The following TAF3 variants were observed in gnomAD, a reference collection of about 807,000 sequenced individuals.
TAF3 encodes TATA-box binding protein associated factor 3.
A neutral mutation model predicts 80.6 loss-of-function variants in TAF3; 7 were observed. The observed-to-expected ratio is 0.09, with a 90% CI of 0.05 to 0.16. The LOEUF (loss-of-function observed/expected upper bound fraction) is 0.16. TAF3 is among the 10% of genes least tolerant of loss of function. The probability of loss-of-function intolerance (pLI) is 1.00; values close to 1 mark genes in which losing one functional copy is unlikely to be tolerated. For synonymous variants in TAF3, 444 were observed against 446.1 expected (o/e 1.00, Z 0.06); for missense variants, 921 against 1,140.2 (o/e 0.81, Z 2.77).
chr10:7,854,640 G>T (rs563280226), intron 2 of TAF3, among the ~76,000 whole-genome samples: 14 of 136,582 alleles, frequency 1.0e-4, no homozygotes, highest in Non-Finnish European at 1.7e-4. Flanking sequence ...GAAGAGAACT[G>T]AAAAGAGCCC....
rs139963574 is a variant in TAF3 at position 8,006,991 on chromosome 10, G to A, written c.2316-2087G>A. On this transcript the variant is annotated intron_variant, in intron 4 of 6. Coordinates refer to ENST00000344293, the MANE Select transcript of TAF3 (RefSeq NM_031923.4). The stretch of plus-strand genomic sequence containing the variant: ...GTGGAATAGTAGAAAGAGACAAGCT[G>A]GGACAGTCCACAGGCTGGCAATTCC... Among the ~76,000 whole-genome samples the A allele has an allele frequency of 1.1e-4, 16 of 152,288 alleles. No homozygotes were observed. In the East Asian group the frequency reaches 3.1e-3, roughly 29 times the overall value.
intron 4 of TAF3, among the ~76,000 whole-genome samples, chr10:7,997,901 G>A (rs1777964321): frequency 6.6e-6 from 1 of 152,130 alleles, no homozygotes; most frequent in African/African-American, 2.4e-5. Context: ...TTTTTACAAC[G>A]ATCAATTTAG....
chr10:7,905,881 T>TA (rs571088132), intron 2 of TAF3, among the ~76,000 whole-genome samples: 2,128 of 145,338 alleles, frequency 0.015, 40 homozygotes, highest in African/African-American at 0.048. Context: ...AGAATCTGTC[T>TA]AAAAAAAAAA....
At chr10:7,942,510 T>C (rs538125911) in intron 2 of TAF3, among the ~76,000 whole-genome samples, 2 of 152,386 alleles carry the variant, frequency 1.3e-5, no homozygotes, top group South Asian at 4.1e-4. Flanking sequence ...CTTGCTGATT[T>C]ACCCATAAAA....
At chr10:7,913,665 C>A (rs1439574104) in intron 2 of TAF3, among the ~76,000 whole-genome samples, 1 of 152,044 alleles carries the variant, frequency 6.6e-6, no homozygotes, top group Non-Finnish European at 1.5e-5. Flanking sequence ...GGTCGCTGTG[C>A]CAGGGACACT....
intron 2 of TAF3, among the ~76,000 whole-genome samples, chr10:7,901,877 C>T (rs1440455605): frequency 1.3e-5 from 2 of 151,908 alleles, no homozygotes; most frequent in East Asian, 1.9e-4. Flanking sequence ...GTGGATGTTT[C>T]CTTCCTATGT....
chr10:7,884,812 T>A (rs970581720), intron 2 of TAF3, among the ~76,000 whole-genome samples: 18 of 152,242 alleles, frequency 1.2e-4, no homozygotes, highest in Non-Finnish European at 2.5e-4. Flanking sequence ...TATCCATACA[T>A]ACATCTATGT....
At chr10:7,854,285 A>G (rs1038168989) in intron 2 of TAF3, among the ~76,000 whole-genome samples, 3 of 152,230 alleles carry the variant, frequency 2.0e-5, no homozygotes, top group East Asian at 1.9e-4. Flanking sequence ...TAGAGTTTCT[A>G]TTTTAAGTTA....
intron 2 of TAF3, among the ~76,000 whole-genome samples, chr10:7,866,835 G>A (rs1395939594): frequency 1.3e-5 from 2 of 152,296 alleles, no homozygotes; most frequent in South Asian, 4.1e-4. Flanking sequence ...ACAAAGAGAA[G>A]TGGTTTATTA....
chr10:7,992,144 C>G (rs1410203711), intron 4 of TAF3, among the ~76,000 whole-genome samples: 1 of 152,168 alleles, frequency 6.6e-6, no homozygotes, highest in African/African-American at 2.4e-5. Flanking sequence ...TTTCATTTGG[C>G]TTTGCTTTTT....
chr10:7,823,726 C>A (rs957565996), intron 1 of TAF3, among the ~76,000 whole-genome samples: 1 of 151,704 alleles, frequency 6.6e-6, no homozygotes, highest in Admixed American at 6.6e-5. Context: ...CCTCCGCCTC[C>A]TGGGTTTGAG....
intron 2 of TAF3, among the ~76,000 whole-genome samples, chr10:7,842,089 G>GT (rs1294494455): frequency 6.6e-6 from 1 of 150,876 alleles, no homozygotes; most frequent in Non-Finnish European, 1.5e-5. Flanking sequence ...ATTGAGTTGC[G>GT]TGAGTACCCT....
At position 7,930,715 on chromosome 10, in the gene TAF3, GA is replaced by G. The variant is rs1458865712; in HGVS notation, c.410-33201del. Among the ~76,000 whole-genome samples, 3 of 152,032 alleles carry G rather than the reference GA, an allele frequency of 2.0e-5. No homozygotes were observed. The South Asian group carries it at 6.2e-4, about 31-fold the overall frequency. ...TCCCTAAGAAATAGAATCCAGGTGA[GA>G]AAATAATTTTGATTAATTTATAGTC... On this transcript the variant is annotated intron_variant, in intron 2 of 6. Transcript: ENST00000344293.
intron 4 of TAF3, among the ~76,000 whole-genome samples, chr10:7,989,591 A>G (rs1588578647): frequency 6.6e-6 from 1 of 152,352 alleles, no homozygotes; most frequent in Non-Finnish European, 1.5e-5. Context: ...TGTATACATC[A>G]TAGATTCTAA....
intron 2 of TAF3, among the ~76,000 whole-genome samples, chr10:7,893,142 A>G (rs997408143): frequency 2.6e-5 from 4 of 152,136 alleles, no homozygotes; most frequent in South Asian, 2.1e-4. Context: ...CTTAAAATTT[A>G]TTTTATAAAA....
intron 2 of TAF3, among the ~76,000 whole-genome samples, chr10:7,840,358 T>G (rs768946102): frequency 6.6e-6 from 1 of 151,956 alleles, no homozygotes; most frequent in Non-Finnish European, 1.5e-5. Context: ...TTCACCGTGT[T>G]AGCCAGGATG....
chr10:7,856,247 G>A (rs1001405402), intron 2 of TAF3, among the ~76,000 whole-genome samples: 7 of 152,028 alleles, frequency 4.6e-5, no homozygotes, highest in Non-Finnish European at 2.9e-5. Context: ...AGGCCGAGGC[G>A]GGCGGATCAC....
chr10:7,924,007 G>C (rs909603077), intron 2 of TAF3, among the ~76,000 whole-genome samples: 1 of 152,154 alleles, frequency 6.6e-6, no homozygotes, highest in Non-Finnish European at 1.5e-5. Context: ...ATTTCAGACA[G>C]TTGAAGTCTG....
chr10:7,818,851 G>C lies in TAF3; in HGVS notation c.142G>C (p.Gly48Arg), dbSNP rs1338441950. The change falls in exon 1 of 7, where the codon GGC becomes CGC. Residue 48 changes from glycine (G) to arginine (R), a missense_variant. By Grantham distance (125) the Gly-to-Arg change is moderately radical (BLOSUM62 -2). Transcript: ENST00000344293. Reference protein sequence around the residue: ...LQRYLQQLGRGCHRYSELYGR... With the variant: ...LQRYLQQLGRRCHRYSELYGR... ...GCGCTATCTGCAGCAGCTGGGCCGG[G>C]GCTGCCATCGGTACTCTGAGCTCTG... is the stretch of plus-strand genomic sequence containing the variant. 1.3e-6 allele frequency: 2 copies of C among 1,530,706 alleles called. No homozygotes were observed. Among genetic ancestry groups the C allele is most frequent in the Non-Finnish European group, 1.7e-6 (2 of 1,150,382 alleles). 94.8% of individuals were successfully genotyped at this position (1,530,706 alleles called of 1,614,324 possible). A position where few individuals can be genotyped will look rare whatever the true frequency, so the allele number is the denominator to read the frequency against.
Sources: gnomAD v4.1 joint callset for allele counts (sites outside exome capture counted in the v4.1 genomes callset) on GRCh38, gnomAD v4.1.1 for gene constraint, MANE v1.5 for transcripts, NCBI Gene and HGNC (gene_info 2026-07-23, HGNC 2026-07-21) for gene names.